The following TRIM33 variants were observed in gnomAD, a reference collection of about 807,000 sequenced individuals.
The protein encoded by TRIM33 is E3 ubiquitin-protein ligase TRIM33.
TRIM33 carries 20 observed loss-of-function variants against 125.4 expected under a neutral mutation model. The ratio of observed to expected loss-of-function variants is 0.16; its 90% CI spans 0.11 to 0.23. The LOEUF is 0.23. Among genes scored for constraint, TRIM33 ranks in the 10% least tolerant of loss-of-function variants. The pLI, the probability that TRIM33 is intolerant of heterozygous loss-of-function variation, is 1.00. For missense variants in TRIM33, 920 were observed against 1,411.4 expected (o/e 0.65, Z 5.58); for synonymous variants, 564 against 513.9 (o/e 1.10, Z -1.32).
Position 114,463,167 on chromosome 1 carries a change from A to T in TRIM33, c.860T>A (p.Phe287Tyr). 6.2e-7 allele frequency: 1 copy of T among 1,613,400 alleles called. No homozygotes were observed. Among genetic ancestry groups the T allele is most frequent in the Non-Finnish European group, 8.5e-7 (1 of 1,179,744 alleles). The change falls in exon 4 of 20, where the codon TTC becomes TAC. Residue 287 changes from phenylalanine to tyrosine, a missense_variant. Around this residue, in one of 8 missense-constraint regions of TRIM33, gnomAD observed 24 missense variants for 83.9 expected, o/e 0.29. Transcript: ENST00000358465. ...TGTCAATCTATCACATGTTTCACAG[A>T]AAAGTTTCAACTGTTCTTGTTTGTG... ...PVHKQEQLKL[F>Y]CETCDRLTCR...
At chr1:114,473,028 G>A (rs987105286) in intron 1 of TRIM33, among the ~76,000 whole-genome samples, 10 of 151,794 alleles carry the variant, frequency 6.6e-5, no homozygotes, top group Non-Finnish European at 1.3e-4. Context: ...AGGCCGAGGC[G>A]GGCAAATCAT....
rs1651525728 is a variant in TRIM33, at chr1:114,396,023, C to A, written c.*1625G>T. 1.0e-5 allele frequency: 2 copies of A among 197,336 alleles called. No individual in the cohort carries two copies. Among genetic ancestry groups the A allele is most frequent in the Non-Finnish European group, 1.1e-5 (1 of 95,178 alleles). The allele number at this position is 197,336 out of a possible 1,614,324, so 12.2% of individuals were successfully genotyped here. ...TTTTCTGAGTAGTCTACTCTCTGAACTGCTTAAATGAATTTTTAAAAAGGC... is the reference window on the plus strand; with the variant it reads ...TTTTCTGAGTAGTCTACTCTCTGAAATGCTTAAATGAATTTTTAAAAAGGC... On this transcript the variant is annotated 3_prime_UTR_variant, in exon 20 of 20. Coordinates refer to ENST00000358465, the MANE Select transcript of TRIM33 (RefSeq NM_015906.4).
chr1:114,484,917 T>TGGC (rs1651578436), intron 1 of TRIM33, among the ~76,000 whole-genome samples: 2 of 151,684 alleles, frequency 1.3e-5, no homozygotes, highest in African/African-American at 4.9e-5. Flanking sequence ...CCAGGCGTGG[T>TGGC]GGCACATGCC....
At chr1:114,460,339 G>T (rs956196377) in intron 4 of TRIM33, 1 of 154,990 alleles carries the variant, frequency 6.5e-6, no homozygotes, top group African/African-American at 2.4e-5. Context: ...ATACAAGGAA[G>T]AAACAATTGA....
chr1:114,412,580 G>GT (rs945430564), intron 11 of TRIM33, among the ~76,000 whole-genome samples: 16 of 150,800 alleles, frequency 1.1e-4, no homozygotes, highest in African/African-American at 3.7e-4. Flanking sequence ...TTCAGCTTTA[G>GT]TTTTTTTTTC....
In TRIM33 at chr1:114,454,383, AAACT is replaced by A. The variant is rs1175560748; in HGVS notation, c.923+8717_923+8720del. ...AACCACCAGATAAACAAGGAAATGC[AAACT>A]AATAAGAAAAAAAGTAGGCCAGGCA... On this transcript the variant is annotated intron_variant, in intron 4 of 19. Coordinates refer to ENST00000358465, the MANE Select transcript of TRIM33 (RefSeq NM_015906.4). 5.9e-5 allele frequency among the ~76,000 whole-genome samples: 9 copies of A among 152,234 alleles called. No individual in the cohort carries two copies. In the East Asian group the frequency reaches 1.5e-3, roughly 26 times the overall value.
intron 4 of TRIM33, among the ~76,000 whole-genome samples, chr1:114,450,773 C>T (rs887602653): frequency 1.3e-5 from 2 of 152,124 alleles, no homozygotes; most frequent in South Asian, 4.1e-4. Flanking sequence ...AGCATACTAT[C>T]ATTTTATGAT....
intron 17 of TRIM33, among the ~76,000 whole-genome samples, chr1:114,400,644 CT>C (rs1489031724): frequency 6.6e-6 from 1 of 152,196 alleles, no homozygotes; most frequent in African/African-American, 2.4e-5. Flanking sequence ...CTGTCTATAC[CT>C]TTTGTGATTT....
chr1:114,424,506 GA>G, intron 10 of TRIM33, 84 bp downstream of exon 10: 1 of 1,254,206 alleles, frequency 8.0e-7, no homozygotes, highest in Admixed American at 2.6e-5. Flanking sequence ...ACACATCAAT[GA>G]CCTGCTCCCA....
At chr1:114,464,471 C>A (rs1650170579) in intron 1 of TRIM33, 83 bp from the exon 2 acceptor site, 2 of 750,074 alleles carry the variant, frequency 2.7e-6, no homozygotes, top group South Asian at 4.4e-5. Flanking sequence ...AACATTAATT[C>A]ATCACAGAGA....
intron 16 of TRIM33, 62 bp downstream of exon 16, chr1:114,402,698 G>GA: frequency 6.5e-7 from 1 of 1,538,544 alleles, no homozygotes; most frequent in Non-Finnish European, 8.7e-7. Context: ...GAAAAAAAAA[G>GA]GTGTATATAT....
At chr1:114,426,946 GCA>G (rs1647626777) in intron 8 of TRIM33, among the ~76,000 whole-genome samples, 1 of 152,040 alleles carries the variant, frequency 6.6e-6, no homozygotes, top group African/African-American at 2.4e-5. Context: ...ACTAGAAACA[GCA>G]CACATTAAAA....
At chr1:114,502,807 C>A (rs373517630) in intron 1 of TRIM33, among the ~76,000 whole-genome samples, 1 of 151,982 alleles carries the variant, frequency 6.6e-6, no homozygotes, top group East Asian at 1.9e-4. Flanking sequence ...ATGTCCGGCA[C>A]GACAGGTTTA....
At chr1:114,433,534 A>T (rs1167772857) in intron 5 of TRIM33, 83 bp downstream of exon 5, 5 of 793,382 alleles carry the variant, frequency 6.3e-6, no homozygotes, top group Non-Finnish European at 1.0e-5. Flanking sequence ...TTATATGCTT[A>T]ATATAGCAGA....
intron 4 of TRIM33, among the ~76,000 whole-genome samples, chr1:114,455,135 T>C (rs1020426173): frequency 2.6e-4 from 39 of 152,114 alleles, no homozygotes; most frequent in African/African-American, 8.9e-4. Flanking sequence ...GAGAAGGCTA[T>C]ACATGATCCA....
intron 16 of TRIM33, 150 bp from the exon 17 acceptor site, chr1:114,401,613 C>T (rs1288530376): frequency 3.9e-6 from 2 of 518,084 alleles, no homozygotes. Flanking sequence ...ACATAAACAC[C>T]CAAAGAAAAT....
chr1:114,467,117 TA>T (rs1215940174), intron 1 of TRIM33, among the ~76,000 whole-genome samples: 2 of 152,340 alleles, frequency 1.3e-5, no homozygotes, highest in Middle Eastern at 3.4e-3. Flanking sequence ...AGAACTATGC[TA>T]AACTATTTCT....
intron 11 of TRIM33, among the ~76,000 whole-genome samples, chr1:114,413,558 C>CAAAA (rs34268626): frequency 4.9e-4 from 20 of 40,796 alleles, no homozygotes; most frequent in South Asian, 2.0e-3. Context: ...AACTCCATCT[C>CAAAA]AAAAAAAAAA....
intron 4 of TRIM33, among the ~76,000 whole-genome samples, chr1:114,434,570 A>G (rs1296737659): frequency 6.6e-6 from 1 of 152,244 alleles, no homozygotes; most frequent in Non-Finnish European, 1.5e-5. Flanking sequence ...TTCTTTGGCT[A>G]CTAGGAAGCT....
Sources: gnomAD v4.1 joint callset for allele counts (sites outside exome capture counted in the v4.1 genomes callset) on GRCh38, gnomAD v4.1.1 for gene constraint, gnomAD v4.1.1 regional missense constraint, MANE v1.5 for transcripts, NCBI Gene and HGNC (gene_info 2026-07-23, HGNC 2026-07-21) for gene names.